Variants in NR3C1 observed in about 807,000 individuals in gnomAD.
NR3C1 encodes glucocorticoid receptor.
NR3C1 carries 14 observed loss-of-function variants against 74.0 expected under a neutral mutation model. The ratio of observed to expected loss-of-function variants is 0.19; its 90% CI spans 0.12 to 0.30. The LOEUF (loss-of-function observed/expected upper bound fraction) is 0.30, where lower values mean the gene tolerates loss of function less well. Ranked by LOEUF, NR3C1 falls within the 10% of genes least tolerant of loss-of-function variation. The pLI is 1.00. For missense variants in NR3C1, 695 were observed against 909.8 expected, an observed-to-expected ratio of 0.76 and a Z score of 3.04; for synonymous variants, 308 against 332.5, an observed-to-expected ratio of 0.93 and a Z score of 0.80.
chr5:143,285,298 G>C (rs923220762), intron 7 of NR3C1, among the ~76,000 whole-genome samples: 2 of 152,154 alleles, frequency 1.3e-5, no homozygotes, highest in African/African-American at 4.8e-5. Context: ...CAGAAAAAAG[G>C]CTACATAGAT....
At chr5:143,404,393 T>A, upstream of NR3C1, 1 of 980,340 alleles carries the variant, frequency 1.0e-6, no homozygotes, top group Non-Finnish European at 1.2e-6. Context: ...CCGGGGGGAG[T>A]CGCGTGCCGG....
intron 2 of NR3C1, among the ~76,000 whole-genome samples, chr5:143,351,169 A>G (rs1343932019): frequency 6.6e-6 from 1 of 152,180 alleles, no homozygotes; most frequent in African/African-American, 2.4e-5. Context: ...CTGTCTCCCC[A>G]AACAAAACAA....
chr5:143,296,933 C>A (rs902297965), intron 6 of NR3C1, among the ~76,000 whole-genome samples: 1 of 151,868 alleles, frequency 6.6e-6, no homozygotes, highest in Non-Finnish European at 1.5e-5. Context: ...AAAAAATTAG[C>A]CAAGTGTGGT....
intron 2 of NR3C1, among the ~76,000 whole-genome samples, chr5:143,351,474 T>C (rs1830207949): frequency 6.6e-6 from 1 of 152,172 alleles, no homozygotes; most frequent in Non-Finnish European, 1.5e-5. Flanking sequence ...ATTTTCCTCT[T>C]TTGTTGAGGA....
chr5:143,319,559 T>C (rs1378253748), intron 2 of NR3C1, among the ~76,000 whole-genome samples: 2 of 152,306 alleles, frequency 1.3e-5, no homozygotes, highest in African/African-American at 2.4e-5. Context: ...CGTAACACAG[T>C]AGTTCTCAAC....
chr5:143,292,969 A>G (rs1816284520), intron 7 of NR3C1, among the ~76,000 whole-genome samples: 1 of 152,192 alleles, frequency 6.6e-6, no homozygotes. Context: ...TGTGATTTTC[A>G]GTACCTACAG....
chr5:143,376,640 T>G (rs138543994), intron 2 of NR3C1, among the ~76,000 whole-genome samples: 11 of 152,326 alleles, frequency 7.2e-5, no homozygotes, highest in African/African-American at 2.6e-4. Context: ...TTGTCCTTCT[T>G]AGTGCAGTGG....
At chr5:143,350,948 C>G (rs1054859078) in intron 2 of NR3C1, among the ~76,000 whole-genome samples, 4 of 152,164 alleles carry the variant, frequency 2.6e-5, no homozygotes, top group African/African-American at 7.2e-5. Context: ...CACTGATAAC[C>G]TTGGAAAGGT....
At chr5:143,354,402 C>G (rs558138200) in intron 2 of NR3C1, among the ~76,000 whole-genome samples, 1 of 152,286 alleles carries the variant, frequency 6.6e-6, no homozygotes, top group South Asian at 2.1e-4. Flanking sequence ...TTAGCCACTT[C>G]TAGCTTTTTA....
chr5:143,418,229 CATTT>C (rs1162840620), intron 1 of NR3C1, among the ~76,000 whole-genome samples: 3 of 152,106 alleles, frequency 2.0e-5, no homozygotes, highest in African/African-American at 7.2e-5. Flanking sequence ...CTCATAAAGC[CATTT>C]ATTTACTTAT....
intron 1 of NR3C1, among the ~76,000 whole-genome samples, chr5:143,429,807 C>T (rs1007691490): frequency 1.3e-5 from 2 of 152,088 alleles, no homozygotes; most frequent in East Asian, 1.9e-4. Flanking sequence ...TGGTCTGGTG[C>T]GGTGGCTTAT....
intron 2 of NR3C1, among the ~76,000 whole-genome samples, chr5:143,361,401 A>C (rs145897801): frequency 1.3e-5 from 2 of 152,340 alleles, no homozygotes; most frequent in African/African-American, 4.8e-5. Context: ...TGATTTCTCT[A>C]AAATAAAATT....
At chr5:143,428,636 C>T (rs531970047) in intron 1 of NR3C1, among the ~76,000 whole-genome samples, 1 of 152,314 alleles carries the variant, frequency 6.6e-6, no homozygotes, top group East Asian at 1.9e-4. Context: ...GCTGCTTTCA[C>T]ACTGCAATGG....
chr5:143,390,065 T>G (rs1030246585), intron 2 of NR3C1: 1 of 231,782 alleles, frequency 4.3e-6, no homozygotes, highest in Non-Finnish European at 7.1e-6. Context: ...ACAGAATAGT[T>G]ACAAAATGAA....
chr5:143,314,182 A>C lies in NR3C1; in HGVS notation c.1185-14T>G, dbSNP rs767159010. ...CTCATGCTGGGGCTAAAGAAGGGGA[A>C]GAACAGTGTTATGATTTAACTGTCA... is the stretch of plus-strand genomic sequence containing the variant. On this transcript the variant is annotated splice_polypyrimidine_tract_variant and intron_variant, in intron 2 of 8. Transcript: ENST00000394464. 2 of 1,613,276 alleles carry C rather than the reference A, an allele frequency of 1.2e-6. No homozygotes were observed. Among genetic ancestry groups the C allele is most frequent in the South Asian group, 2.2e-5 (2 of 91,028 alleles).
At chr5:143,387,986 TAAAAGTG>T (rs1252049306) in intron 2 of NR3C1, among the ~76,000 whole-genome samples, 1 of 152,192 alleles carries the variant, frequency 6.6e-6, no homozygotes, top group Non-Finnish European at 1.5e-5. Flanking sequence ...TCAATTCTTA[TAAAAGTG>T]AAAAGCATAA....
At chr5:143,360,812 G>A (rs1832089779) in intron 2 of NR3C1, among the ~76,000 whole-genome samples, 1 of 152,118 alleles carries the variant, frequency 6.6e-6, no homozygotes, top group Admixed American at 6.5e-5. Flanking sequence ...AGTAAGCAGA[G>A]TGACCTCCAA....
At chr5:143,287,946 C>T (rs539503191) in intron 7 of NR3C1, among the ~76,000 whole-genome samples, 1 of 152,250 alleles carries the variant, frequency 6.6e-6, no homozygotes, top group African/African-American at 2.4e-5. Context: ...GAAATTGCAA[C>T]AGGGACTATA....
Position 143,412,460 on chromosome 5 carries a change from C to A in NR3C1, c.-13-11608G>T, listed in dbSNP as rs571107603. Among the ~76,000 whole-genome samples the A allele has an allele frequency of 4.6e-5, 7 of 152,124 alleles. No individual in the cohort carries two copies. The South Asian group carries it at 1.5e-3, about 32-fold the overall frequency. On this transcript the variant is annotated intron_variant, in intron 1 of 8. Coordinates refer to the NR3C1 transcript ENST00000343796. Reference sequence around the variant, plus strand: ...ACATTTGGCAATTTTAATTATAAAACTCTCACACTGAATCACCCTGTGTTA... The same window carrying A: ...ACATTTGGCAATTTTAATTATAAAAATCTCACACTGAATCACCCTGTGTTA...
Sources: gnomAD v4.1 joint callset for allele counts (sites outside exome capture counted in the v4.1 genomes callset) on GRCh38, gnomAD v4.1.1 for gene constraint, MANE v1.5 for transcripts, NCBI Gene and HGNC (gene_info 2026-07-23, HGNC 2026-07-21) for gene names.